Variants in OIT3 observed in about 807,000 individuals in gnomAD.
OIT3 encodes the protein oncoprotein induced transcript 3, also known as oncoprotein-induced transcript 3 protein.
A neutral mutation model predicts 52.2 loss-of-function variants in OIT3; 41 were observed. That is an observed-to-expected ratio of 0.79 (90% CI 0.61 to 1.02). The LOEUF is 1.02. Among genes scored for constraint, OIT3 ranks in the 50% least tolerant of loss-of-function variants. The pLI, the probability that OIT3 is intolerant of heterozygous loss-of-function variation, is 0.00. For synonymous variants in OIT3, 244 were observed against 276.9 expected (o/e 0.88, Z 1.18); for missense variants, 634 against 715.5 (o/e 0.89, Z 1.30).
At chr10:72,915,412 T>G (rs1300903091) in intron 6 of OIT3, among the ~76,000 whole-genome samples, 2 of 152,326 alleles carry the variant, frequency 1.3e-5, no homozygotes, top group South Asian at 2.1e-4. Flanking sequence ...TCTTTAGCAA[T>G]TAAGTATTGC....
chr10:72,930,761 A>G lies in OIT3; in HGVS notation c.1467+124A>G, dbSNP rs561407638. ...GGATCTGCATGGGCTCAAGAGAAAAACAGAGAAACTGGCCATCGAGAAGCT... is the reference window on the plus strand; with the variant it reads ...GGATCTGCATGGGCTCAAGAGAAAAGCAGAGAAACTGGCCATCGAGAAGCT... On this transcript the variant is annotated intron_variant, in intron 8 of 8. Coordinates refer to ENST00000334011, the MANE Select transcript of OIT3 (RefSeq NM_152635.3). 133 of 646,380 alleles carry G rather than the reference A, an allele frequency of 2.1e-4. No homozygotes were observed. The African/African-American group carries it at 2.3e-3, about 11-fold the overall frequency. The allele number at this position is 646,380 out of a possible 1,614,324, so 40.0% of individuals were successfully genotyped here.
At chr10:72,913,537 G>A (rs1846049194) in intron 6 of OIT3, 69 bp downstream of exon 6, 1 of 1,232,640 alleles carries the variant, frequency 8.1e-7, no homozygotes, top group Non-Finnish European at 1.2e-6. Context: ...GTGGACAGAG[G>A]TATGCCATGT....
At chr10:72,901,112 G>GA (rs1201149617) in intron 3 of OIT3, among the ~76,000 whole-genome samples, 16 of 151,880 alleles carry the variant, frequency 1.1e-4, no homozygotes, top group Admixed American at 6.6e-5. Context: ...ATATCAAAGT[G>GA]AAAATATTTT....
Position 72,932,611 on chromosome 10 carries a change from C to A in OIT3, c.*87C>A. ...ACCGCCCTCTAAGAACATCTGCCAACAGCTGGGTTCAGACTTCACACTGTG... is the reference window on the plus strand; with the variant it reads ...ACCGCCCTCTAAGAACATCTGCCAAAAGCTGGGTTCAGACTTCACACTGTG... On this transcript the variant is annotated 3_prime_UTR_variant, in exon 9 of 9. Transcript: ENST00000334011. 1 of 1,235,442 alleles carries A rather than the reference C, an allele frequency of 8.1e-7. No homozygotes were observed. Among genetic ancestry groups the A allele is most frequent in the Non-Finnish European group, 1.1e-6 (1 of 893,588 alleles). 76.5% of individuals were successfully genotyped at this position (1,235,442 alleles called of 1,614,324 possible). A position where few individuals can be genotyped will look rare whatever the true frequency, so the allele number is the denominator to read the frequency against.
intron 1 of OIT3, among the ~76,000 whole-genome samples, chr10:72,897,815 G>A (rs1845889832): frequency 6.6e-6 from 1 of 152,178 alleles, no homozygotes; most frequent in Admixed American, 6.5e-5. Context: ...TCTTGTAACA[G>A]AATAGCTAAT....
chr10:72,918,016 C>T, intron 6 of OIT3: 1 of 826,284 alleles, frequency 1.2e-6, no homozygotes, highest in Non-Finnish European at 2.1e-6. Flanking sequence ...TCATCTTCAT[C>T]TTCTTCATCG....
rs187612709 is a variant in OIT3, at chr10:72,914,344, T to C, written c.951+876T>C. Reference sequence around the variant, plus strand: ...TGATGTGGTGATGAATGCCATGATCTGACAGCAACTTGCAAGATGGATAGA... The same window carrying C: ...TGATGTGGTGATGAATGCCATGATCCGACAGCAACTTGCAAGATGGATAGA... On this transcript the variant is annotated intron_variant, in intron 6 of 8. Coordinates refer to ENST00000334011, the MANE Select transcript of OIT3 (RefSeq NM_152635.3). Among the ~76,000 whole-genome samples the C allele has an allele frequency of 2.8e-3, 427 of 152,330 alleles. 2 individuals are homozygous for C. Among genetic ancestry groups the C allele is most frequent in the Middle Eastern group, 0.01 (3 of 292 alleles).
At chr10:72,906,945 A>C (rs1332252396) in intron 4 of OIT3, among the ~76,000 whole-genome samples, 2 of 152,220 alleles carry the variant, frequency 1.3e-5, no homozygotes, top group Non-Finnish European at 2.9e-5. Flanking sequence ...AAGAGGCAGA[A>C]AGCCACATTT....
intron 6 of OIT3, among the ~76,000 whole-genome samples, chr10:72,920,848 T>C (rs1229351059): frequency 6.6e-6 from 1 of 152,246 alleles, no homozygotes; most frequent in Non-Finnish European, 1.5e-5. Flanking sequence ...CTTCCAATTA[T>C]GGATCAATTT....
chr10:72,893,963 C>A, intron 1 of OIT3, 104 bp downstream of exon 1: 2 of 667,198 alleles, frequency 3.0e-6, no homozygotes, highest in Non-Finnish European at 4.9e-6. Context: ...TAAATGCTAG[C>A]TCTAGAATCT....
In OIT3 at chr10:72,932,474, C is replaced by T; in HGVS notation, c.1588C>T (p.Gln530Ter). ...GAGGEDSAGL[Q>*]GQTLTGGPIR... ...AGGAGGAGAGGACTCAGCCGGTCTA[C>T]AGGGCCAGACGCTAACAGGCGGCCC... is the stretch of plus-strand genomic sequence containing the variant. The change falls in exon 9 of 9, where the codon CAG (glutamine) becomes TAG (stop). Residue 530 changes from glutamine (Q) to a stop codon, truncating the protein, a stop_gained. Coordinates refer to ENST00000334011, the MANE Select transcript of OIT3 (RefSeq NM_152635.3). LOFTEE classifies it high-confidence loss of function. The T allele has an allele frequency of 1.2e-6, 2 of 1,613,768 alleles. No homozygotes were observed. Among genetic ancestry groups the T allele is most frequent in the East Asian group, 2.2e-5 (1 of 44,872 alleles).
Position 72,917,671 on chromosome 10 carries a change from T to C in OIT3, c.951+4203T>C. On this transcript the variant is annotated intron_variant, in intron 6 of 8. Coordinates refer to ENST00000334011, the MANE Select transcript of OIT3 (RefSeq NM_152635.3). ...TTCCTCCACTGCCAGAGATCTTGAA[T>C]AGCCTCTTGGTCAGTCATCCGGAAG... 3.4e-6 allele frequency: 3 copies of C among 895,054 alleles called. No individual in the cohort carries two copies. The Admixed American group carries it at 5.1e-5, about 15-fold the overall frequency. The allele number at this position is 895,054 out of a possible 1,614,324, so 55.4% of individuals were successfully genotyped here. A position where few individuals can be genotyped will look rare whatever the true frequency, so the allele number is the denominator to read the frequency against.
chr10:72,916,270 C>G (rs1323384894), intron 6 of OIT3, among the ~76,000 whole-genome samples: 1 of 151,876 alleles, frequency 6.6e-6, no homozygotes, highest in Non-Finnish European at 1.5e-5. Flanking sequence ...ATTTCATCAC[C>G]CAGGTATTAA....
intron 8 of OIT3, 40 bp downstream of exon 8, chr10:72,930,677 G>C (rs1408034125): frequency 1.8e-5 from 17 of 952,944 alleles, no homozygotes; most frequent in Non-Finnish European, 2.4e-5. Context: ...CTGAACCTGA[G>C]CCTTTTTTTT....
intron 3 of OIT3, among the ~76,000 whole-genome samples, chr10:72,904,954 G>A (rs1845965815): frequency 6.6e-6 from 1 of 152,204 alleles, no homozygotes; most frequent in African/African-American, 2.4e-5. Context: ...TCCCACTCAT[G>A]GAGGAAGGTG....
At position 72,918,370 on chromosome 10, in the gene OIT3, C is replaced by G. The variant is rs905266379; in HGVS notation, c.951+4902C>G. 19 of 769,410 alleles carry G rather than the reference C, an allele frequency of 2.5e-5. No individual in the cohort carries two copies. The African/African-American group carries it at 3.2e-4, about 13-fold the overall frequency. The allele number at this position is 769,410 out of a possible 1,614,324, so 47.7% of individuals were successfully genotyped here. A position where few individuals can be genotyped will look rare whatever the true frequency, so the allele number is the denominator to read the frequency against. ...GCCTCTGCTTCAACAATGTGCAATT[C>G]GTCCTTTGCACCAGCCCTTAAACTG... On this transcript the variant is annotated intron_variant, in intron 6 of 8. Coordinates refer to ENST00000334011, the MANE Select transcript of OIT3 (RefSeq NM_152635.3).
At chr10:72,916,031 A>C (rs1846069638) in intron 6 of OIT3, among the ~76,000 whole-genome samples, 1 of 152,214 alleles carries the variant, frequency 6.6e-6, no homozygotes, top group African/African-American at 2.4e-5. Context: ...AAGGGCGGGT[A>C]AATGAAGATG....
chr10:72,912,785 G>A (rs1463190206), intron 5 of OIT3, among the ~76,000 whole-genome samples: 1 of 152,114 alleles, frequency 6.6e-6, no homozygotes, highest in Non-Finnish European at 1.5e-5. Flanking sequence ...TTATATTAAG[G>A]TAAAGTGGTG....
At chr10:72,912,438 T>A (rs1455350461) in intron 5 of OIT3, among the ~76,000 whole-genome samples, 1 of 151,272 alleles carries the variant, frequency 6.6e-6, no homozygotes, top group Non-Finnish European at 1.5e-5. Context: ...GCCTGGCTAA[T>A]TTTTGCATTT....
Sources: gnomAD v4.1 joint callset for allele counts (sites outside exome capture counted in the v4.1 genomes callset) on GRCh38, gnomAD v4.1.1 for gene constraint, MANE v1.5 for transcripts, NCBI Gene and HGNC (gene_info 2026-07-23, HGNC 2026-07-21) for gene names.